The following TTLL6 variants were observed in gnomAD, a reference collection of about 807,000 sequenced individuals.
The protein encoded by TTLL6 is tubulin tyrosine ligase like 6.
Under a neutral mutation model 96.4 loss-of-function variants are expected in TTLL6, and 75 were observed. The observed-to-expected ratio is 0.78, with a 90% confidence interval of 0.65 to 0.94. The LOEUF is 0.94. Among genes scored for constraint, TTLL6 ranks in the 40% least tolerant of loss-of-function variants. TTLL6 has a pLI of 0.00. For missense variants in TTLL6, 1,030 were observed against 1,093.0 expected (o/e 0.94, Z 0.81); for synonymous variants, 411 against 419.4 (o/e 0.98, Z 0.24).
chr17:48,783,971 T>C (rs1489636803), intron 13 of TTLL6, among the ~76,000 whole-genome samples: 3 of 152,160 alleles, frequency 2.0e-5, no homozygotes, highest in Admixed American at 6.5e-5. Flanking sequence ...ACTACCAAAA[T>C]TCATGTCCAA....
intron 14 of TTLL6, 114 bp downstream of exon 14, chr17:48,769,614 G>T: frequency 7.6e-7 from 1 of 1,321,548 alleles, no homozygotes. Flanking sequence ...TTTCCCTGAA[G>T]ACAGGGGCTG....
chr17:48,797,787 CAAA>C lies in TTLL6; in HGVS notation c.769-586_769-584del, dbSNP rs58265844. 4.4e-3 allele frequency among the ~76,000 whole-genome samples: 259 copies of C among 58,618 alleles called. 3 individuals are homozygous for C. The highest frequency in any genetic ancestry group is 0.029 in the East Asian group (60 of 2,080). The allele number at this position is 58,618 out of a possible 152,430, so 38.5% of individuals were successfully genotyped here. Reference sequence around the variant, plus strand: ...TGGGCGAAAGAGCAAAACTCCATCTCAAAAAAAAAAAAAAAAAAAAAAAGTCCT... The same window carrying C: ...TGGGCGAAAGAGCAAAACTCCATCTCAAAAAAAAAAAAAAAAAAAAGTCCT... On this transcript the variant is annotated intron_variant, in intron 6 of 15. Transcript: ENST00000393382.
At chr17:48,785,313 T>A (rs507973) in intron 12 of TTLL6, 112 bp from the exon 13 acceptor site, 417,144 of 1,480,480 alleles carry the variant, frequency 0.28, 65,020 homozygotes, top group East Asian at 0.75. Context: ...AGGAAAGCAG[T>A]CGATAGTAAA....
chr17:48,807,759 G>A (rs1420886397), intron 1 of TTLL6, among the ~76,000 whole-genome samples: 2 of 152,180 alleles, frequency 1.3e-5, no homozygotes, highest in East Asian at 3.9e-4. Context: ...CAATCTGCCC[G>A]CCTCTGCCTC....
intron 14 of TTLL6, among the ~76,000 whole-genome samples, chr17:48,769,476 T>C (rs541520110): frequency 7.2e-5 from 11 of 152,346 alleles, no homozygotes; most frequent in African/African-American, 2.6e-4. Context: ...ATGAGCCTCA[T>C]GTGAATGAGA....
intron 8 of TTLL6, among the ~76,000 whole-genome samples, chr17:48,792,845 A>G (rs2039252161): frequency 6.6e-6 from 1 of 152,162 alleles, no homozygotes; most frequent in East Asian, 1.9e-4. Context: ...GAGAAAATGT[A>G]TTTAATTTGC....
intron 1 of TTLL6, among the ~76,000 whole-genome samples, chr17:48,816,174 G>A (rs1247964909): frequency 6.6e-6 from 1 of 152,146 alleles, no homozygotes; most frequent in Admixed American, 6.6e-5. Flanking sequence ...CAGGCGTGGT[G>A]ACTCATGCCT....
chr17:48,765,661 T>G (rs1457213021), intron 15 of TTLL6: 3 of 152,258 alleles, frequency 2.0e-5, no homozygotes, highest in Admixed American at 6.5e-5. Context: ...ATTTCTGTCT[T>G]GGTTTACCCC....
rs541275463 is a variant in TTLL6, at chr17:48,771,525, G to A, written c.2041-1428C>T. 4.9e-4 allele frequency among the ~76,000 whole-genome samples: 75 copies of A among 152,152 alleles called. 1 individual carries two copies. The East Asian group carries it at 0.012, about 24-fold the overall frequency. On this transcript the variant is annotated intron_variant, in intron 13 of 15. Coordinates refer to ENST00000393382, the MANE Select transcript of TTLL6 (RefSeq NM_001130918.3). Reference sequence around the variant, plus strand: ...TGCACACCTGTAGTCCTAGCTACTCGGGAGGCTGAGGCAAGAGGATCACTT... The same window carrying A: ...TGCACACCTGTAGTCCTAGCTACTCAGGAGGCTGAGGCAAGAGGATCACTT...
chr17:48,776,501 T>C (rs1441356352), intron 13 of TTLL6, among the ~76,000 whole-genome samples: 1 of 152,134 alleles, frequency 6.6e-6, no homozygotes, highest in African/African-American at 2.4e-5. Context: ...ATAGTATACA[T>C]TAATCATTAT....
At chr17:48,788,933 G>A (rs1257549310) in intron 10 of TTLL6, among the ~76,000 whole-genome samples, 1 of 152,148 alleles carries the variant, frequency 6.6e-6, no homozygotes, top group Non-Finnish European at 1.5e-5. Flanking sequence ...GCAGGGGGCT[G>A]TAGTGGGGTC....
At chr17:48,812,807 GT>G (rs2039614692) in intron 1 of TTLL6, among the ~76,000 whole-genome samples, 2 of 152,274 alleles carry the variant, frequency 1.3e-5, no homozygotes, top group African/African-American at 4.8e-5. Context: ...CTTCTCCAAG[GT>G]TCATTTTCCT....
chr17:48,773,764 A>G (rs576808723), intron 13 of TTLL6, among the ~76,000 whole-genome samples: 2 of 152,008 alleles, frequency 1.3e-5, no homozygotes, highest in African/African-American at 4.8e-5. Flanking sequence ...AAAAAGTCTT[A>G]ATAGTCTAAG....
At chr17:48,778,776 A>G (rs2038930522) in intron 13 of TTLL6, among the ~76,000 whole-genome samples, 1 of 151,976 alleles carries the variant, frequency 6.6e-6, no homozygotes, top group Non-Finnish European at 1.5e-5. Flanking sequence ...CTAAAAATAC[A>G]AAAATTAGCT....
In TTLL6 at chr17:48,784,979, AG is replaced by A. The variant is rs2039059590; in HGVS notation, c.1983del (p.Phe662SerfsTer12). 2 of 1,614,184 alleles carry A rather than the reference AG, an allele frequency of 1.2e-6. No individual in the cohort carries two copies. The highest frequency in any genetic ancestry group is 2.7e-5 in the African/African-American group (2 of 75,064). On this transcript the variant is annotated frameshift_variant, in exon 13 of 16. Coordinates refer to ENST00000393382, the MANE Select transcript of TTLL6 (RefSeq NM_001130918.3). LOFTEE classifies it high-confidence loss of function. The stretch of plus-strand genomic sequence containing the variant: ...GCAGACTTGGCCTCCTTGATGCTGA[AG>A]TTGGGTTTACTGGGCTCCAACTTCG... The part of the protein sequence containing the change: ...SSSKLEPSKP[N>X]FSIKEAKSAS...
intron 13 of TTLL6, among the ~76,000 whole-genome samples, chr17:48,772,171 C>T (rs995856501): frequency 5.3e-5 from 8 of 151,732 alleles, no homozygotes; most frequent in African/African-American, 9.7e-5. Flanking sequence ...AATCCACACT[C>T]GAGAGAAAAA....
chr17:48,763,375 C>T (rs551881600), intron 15 of TTLL6, among the ~76,000 whole-genome samples: 5 of 152,294 alleles, frequency 3.3e-5, no homozygotes, highest in African/African-American at 1.2e-4. Context: ...GGCCAGTTCA[C>T]GCTGGGCTCA....
intron 12 of TTLL6, among the ~76,000 whole-genome samples, chr17:48,785,847 C>T (rs1288529730): frequency 1.3e-5 from 2 of 152,150 alleles, no homozygotes; most frequent in African/African-American, 2.4e-5. Context: ...GGAGTACATG[C>T]ACTCCTGAAG....
intron 1 of TTLL6, among the ~76,000 whole-genome samples, chr17:48,807,830 T>G (rs1338951433): frequency 1.3e-5 from 2 of 150,818 alleles, no homozygotes; most frequent in South Asian, 2.1e-4. Flanking sequence ...TTTTTTTGTT[T>G]GTTTTGTTTT....
Sources: allele counts gnomAD v4.1 joint callset (sites outside exome capture counted in the v4.1 genomes callset), GRCh38; gene constraint gnomAD v4.1.1; transcripts MANE v1.5; gene names NCBI Gene and HGNC (gene_info 2026-07-23, HGNC 2026-07-21).